Variants in WASF3 observed in about 807,000 individuals in gnomAD.
WASF3 encodes actin-binding protein WASF3.
A neutral mutation model predicts 46.6 loss-of-function variants in WASF3; 11 were observed. The observed-to-expected ratio is 0.24, with a 90% CI of 0.15 to 0.39. The LOEUF (loss-of-function observed/expected upper bound fraction) is 0.39. WASF3 is among the 10% of genes least tolerant of loss of function. WASF3 has a pLI of 1.00. For missense variants in WASF3, 576 were observed against 669.8 expected (o/e 0.86, Z 1.55); for synonymous variants, 242 against 259.7 (o/e 0.93, Z 0.65).
chr13:26,626,764 T>C (rs1173703881), intron 2 of WASF3, among the ~76,000 whole-genome samples: 1 of 152,188 alleles, frequency 6.6e-6, no homozygotes, highest in East Asian at 1.9e-4. Flanking sequence ...TTATTAGGGG[T>C]AAATGGGACA....
intron 1 of WASF3, among the ~76,000 whole-genome samples, chr13:26,565,084 G>T (rs1298755192): frequency 6.6e-6 from 1 of 151,258 alleles, no homozygotes; most frequent in Admixed American, 6.6e-5. Flanking sequence ...GTAGGCCGTG[G>T]TGCTATCTCG....
chr13:26,641,910 C>G (rs1882008592), intron 2 of WASF3: 1 of 155,022 alleles, frequency 6.5e-6, no homozygotes, highest in African/African-American at 2.4e-5. Context: ...TTTCCTGTCT[C>G]TTAATCTGGT....
At chr13:26,628,582 C>T (rs1881543043) in intron 2 of WASF3, among the ~76,000 whole-genome samples, 1 of 152,230 alleles carries the variant, frequency 6.6e-6, no homozygotes, top group African/African-American at 2.4e-5. Flanking sequence ...TTTGCATGAA[C>T]ACAGTCTTAC....
At chr13:26,627,904 C>T (rs1224925809) in intron 2 of WASF3, among the ~76,000 whole-genome samples, 4 of 149,094 alleles carry the variant, frequency 2.7e-5, no homozygotes, top group South Asian at 2.1e-4. Flanking sequence ...AAAAAAAAAC[C>T]CTAAAAATAA....
At chr13:26,663,442 T>C (rs1243890618) in intron 3 of WASF3, among the ~76,000 whole-genome samples, 1 of 152,224 alleles carries the variant, frequency 6.6e-6, no homozygotes, top group East Asian at 1.9e-4. Flanking sequence ...TGGAACCATT[T>C]TGCATATTAT....
At chr13:26,658,236 T>C (rs977289129) in intron 3 of WASF3, among the ~76,000 whole-genome samples, 1 of 152,138 alleles carries the variant, frequency 6.6e-6, no homozygotes, top group Non-Finnish European at 1.5e-5. Context: ...GACTGGAGTA[T>C]GTGTGTATAT....
At chr13:26,623,994 T>C (rs1211675874) in intron 2 of WASF3, among the ~76,000 whole-genome samples, 1 of 152,222 alleles carries the variant, frequency 6.6e-6, no homozygotes, top group Admixed American at 6.5e-5. Flanking sequence ...AATGGCTTGC[T>C]AGAAGAACAT....
chr13:26,602,289 A>G (rs539233246), intron 1 of WASF3, among the ~76,000 whole-genome samples: 1 of 152,208 alleles, frequency 6.6e-6, no homozygotes, highest in African/African-American at 2.4e-5. Flanking sequence ...GATTACTGCT[A>G]CTTAATTAAT....
intron 1 of WASF3, among the ~76,000 whole-genome samples, chr13:26,608,238 G>C (rs1880862833): frequency 6.6e-6 from 1 of 152,066 alleles, no homozygotes; most frequent in Non-Finnish European, 1.5e-5. Context: ...ATTTTACTAG[G>C]CAGTTATTCA....
chr13:26,650,324 A>T (rs1478254616), intron 3 of WASF3, among the ~76,000 whole-genome samples: 1 of 152,098 alleles, frequency 6.6e-6, no homozygotes, highest in African/African-American at 2.4e-5. Flanking sequence ...ACTGCCCCTC[A>T]CCCGACACCC....
At chr13:26,618,215 GC>G (rs1881194384) in intron 2 of WASF3, among the ~76,000 whole-genome samples, 3 of 152,032 alleles carry the variant, frequency 2.0e-5, no homozygotes, top group African/African-American at 7.2e-5. Flanking sequence ...CTTGTCCATT[GC>G]TGACTTTATT....
chr13:26,643,839 T>C (rs574584391), intron 3 of WASF3, among the ~76,000 whole-genome samples: 5 of 152,332 alleles, frequency 3.3e-5, no homozygotes, highest in Admixed American at 3.3e-4. Flanking sequence ...TGTAAGTGAA[T>C]CTGCCCACAC....
intron 1 of WASF3, among the ~76,000 whole-genome samples, chr13:26,564,392 T>C (rs1432363189): frequency 6.6e-6 from 1 of 152,244 alleles, no homozygotes; most frequent in Non-Finnish European, 1.5e-5. Flanking sequence ...TGGTAACACT[T>C]GGTGCCTTCT....
chr13:26,566,622 C>G (rs1879472442), intron 1 of WASF3, among the ~76,000 whole-genome samples: 1 of 152,202 alleles, frequency 6.6e-6, no homozygotes, highest in African/African-American at 2.4e-5. Context: ...CTTTTTCCAC[C>G]TTGTGACTTA....
chr13:26,539,406 A>T, the WASF3 span, among the ~76,000 whole-genome samples: 1 of 152,126 alleles, frequency 6.6e-6, no homozygotes, highest in Non-Finnish European at 1.5e-5. Context: ...AACCCTGCAA[A>T]TAGCTTTTTA....
At chr13:26,575,099 G>A (rs1879755404) in intron 1 of WASF3, among the ~76,000 whole-genome samples, 1 of 152,124 alleles carries the variant, frequency 6.6e-6, no homozygotes. Flanking sequence ...GCCTCCCACA[G>A]CGCTGGGATT....
chr13:26,611,560 G>A (rs1297684633), intron 1 of WASF3, among the ~76,000 whole-genome samples: 2 of 152,188 alleles, frequency 1.3e-5, no homozygotes, highest in South Asian at 4.1e-4. Flanking sequence ...AATGTATAGG[G>A]CTGGTTACCC....
the WASF3 span, among the ~76,000 whole-genome samples, chr13:26,547,869 T>G: frequency 5.7e-4 from 87 of 152,284 alleles, 1 homozygote; most frequent in African/African-American, 2.0e-3. Flanking sequence ...CAGAAACCAG[T>G]GAGAACATTT....
At chr13:26,635,101 C>T (rs569023453) in intron 2 of WASF3, among the ~76,000 whole-genome samples, 4 of 151,874 alleles carry the variant, frequency 2.6e-5, no homozygotes, top group Admixed American at 2.0e-4. Context: ...TGATTCCATT[C>T]TCCCTGTTAC....
Sources: gnomAD v4.1 joint callset for allele counts (sites outside exome capture counted in the v4.1 genomes callset) on GRCh38, gnomAD v4.1.1 for gene constraint, MANE v1.5 for transcripts, NCBI Gene and HGNC (gene_info 2026-07-23, HGNC 2026-07-21) for gene names.